TPGS2: variants seen among roughly 807,000 people sequenced by gnomAD.
TPGS2 encodes polyglutamylase subunit 2.
Under a neutral mutation model 31.1 loss-of-function variants are expected in TPGS2, and 26 were observed. The observed-to-expected ratio is 0.84, with a 90% CI of 0.61 to 1.16. TPGS2 has a LOEUF of 1.16. TPGS2 is among the 50% of genes most tolerant of loss of function. TPGS2 has a pLI of 0.00. For synonymous variants in TPGS2, 130 were observed against 136.6 expected, an observed-to-expected ratio of 0.95 and a Z score of 0.34; for missense variants, 351 against 363.8, an observed-to-expected ratio of 0.96 and a Z score of 0.29.
intron 1 of TPGS2, among the ~76,000 whole-genome samples, chr18:36,820,353 GT>G (rs2045842356): frequency 1.3e-5 from 2 of 152,190 alleles, no homozygotes; most frequent in African/African-American, 4.8e-5. Context: ...TGCAGATGTG[GT>G]CATGTCATAC....
rs1295785986 is a variant in TPGS2, at chr18:36,795,441, AC to A, written c.*1363del. 1 of 985,426 alleles carries A rather than the reference AC, an allele frequency of 1.0e-6. No individual in the cohort carries two copies. The highest frequency in any genetic ancestry group is 1.2e-6 in the Non-Finnish European group (1 of 829,942). 61.0% of individuals were successfully genotyped at this position (985,426 alleles called of 1,614,324 possible). A position where few individuals can be genotyped will look rare whatever the true frequency, so the allele number is the denominator to read the frequency against. On this transcript the variant is annotated 3_prime_UTR_variant, in exon 7 of 7. Coordinates refer to ENST00000334295, the MANE Select transcript of TPGS2 (RefSeq NM_015476.4). ...AACTCCTAATTCTCTAACCTCTGGG[AC>A]TTCAGTACAAAAACTGCAGCCACCC...
Position 36,828,699 on chromosome 18 carries a change from G to A in TPGS2, c.69C>T (p.Gly23=), listed in dbSNP as rs940417876. ...SKPHLEKLTL[G]ITRILESSPG... The stretch of plus-strand genomic sequence containing the variant: ...TTTCCTCACCTAGGATGCGCGTGAT[G>A]CCCAGGGTCAGCTTCTCCAGGTGCG... Residue 23 remains glycine, a synonymous_variant, in exon 1 of 7, where the codon GGC becomes GGT. Coordinates refer to ENST00000334295, the MANE Select transcript of TPGS2 (RefSeq NM_015476.4). The A allele has an allele frequency of 6.2e-7, 1 of 1,614,120 alleles. No individual in the cohort carries two copies. Among genetic ancestry groups the A allele is most frequent in the Non-Finnish European group, 8.5e-7 (1 of 1,179,994 alleles).
At position 36,804,788 on chromosome 18, in the gene TPGS2, T is replaced by C. The variant is rs568650831; in HGVS notation, c.382+586A>G. ...GCCATTTGACTCTTCTAATAGCTAT[T>C]AGGAGGTGCTGCTGAGAAAACCATT... On this transcript the variant is annotated intron_variant, in intron 4 of 6. Coordinates refer to ENST00000334295, the MANE Select transcript of TPGS2 (RefSeq NM_015476.4). Among the ~76,000 whole-genome samples the C allele has an allele frequency of 1.6e-4, 24 of 152,280 alleles. No individual in the cohort carries two copies. The South Asian group carries it at 3.1e-3, about 20-fold the overall frequency.
downstream of TPGS2, among the ~76,000 whole-genome samples, chr18:36,790,551 T>C (rs1323913783): frequency 6.6e-6 from 1 of 152,216 alleles, no homozygotes; most frequent in Non-Finnish European, 1.5e-5. Flanking sequence ...GATAAGAGTT[T>C]TGAGCCACAG....
At chr18:36,791,390 C>A (rs898144118), downstream of TPGS2, among the ~76,000 whole-genome samples, 1 of 152,186 alleles carries the variant, frequency 6.6e-6, no homozygotes, top group Non-Finnish European at 1.5e-5. Context: ...GCATGAAGCA[C>A]TTCACCTCAA....
chr18:36,791,720 C>G (rs1339893055), downstream of TPGS2, among the ~76,000 whole-genome samples: 1 of 152,032 alleles, frequency 6.6e-6, no homozygotes, highest in Non-Finnish European at 1.5e-5. Context: ...AGAATCCAGT[C>G]TGGGTTGCTT....
At chr18:36,827,348 G>A (rs993297893) in intron 1 of TPGS2, among the ~76,000 whole-genome samples, 3 of 152,196 alleles carry the variant, frequency 2.0e-5, no homozygotes, top group Non-Finnish European at 2.9e-5. Context: ...GAAAGACGGC[G>A]GTTATTCGAA....
intron 1 of TPGS2, among the ~76,000 whole-genome samples, chr18:36,826,197 T>C (rs924559936): frequency 6.6e-6 from 1 of 152,000 alleles, no homozygotes; most frequent in Non-Finnish European, 1.5e-5. Context: ...CCACCACACA[T>C]GGCTAATTTT....
intron 6 of TPGS2, among the ~76,000 whole-genome samples, chr18:36,783,552 A>C (rs2044064562): frequency 6.6e-6 from 1 of 152,220 alleles, no homozygotes; most frequent in Non-Finnish European, 1.5e-5. Context: ...GGGAGGGTGC[A>C]CAGGGCCTTG....
chr18:36,796,609 A>C lies in TPGS2; in HGVS notation c.*196T>G, dbSNP rs1600743021. On this transcript the variant is annotated 3_prime_UTR_variant, in exon 7 of 7. Transcript: ENST00000334295. Reference sequence around the variant, plus strand: ...CAAATTCCCCATTGCTTCCAGAGGCAGGGGACAGCACAACCTGCTCTGGAG... The same window carrying C: ...CAAATTCCCCATTGCTTCCAGAGGCCGGGGACAGCACAACCTGCTCTGGAG... The C allele has an allele frequency of 2.2e-6, 3 of 1,344,848 alleles. No homozygotes were observed. The South Asian group carries it at 6.6e-5, about 30-fold the overall frequency. The allele number at this position is 1,344,848 out of a possible 1,614,324, so 83.3% of individuals were successfully genotyped here. A position where few individuals can be genotyped will look rare whatever the true frequency, so the allele number is the denominator to read the frequency against.
intron 2 of TPGS2, among the ~76,000 whole-genome samples, chr18:36,813,622 G>A (rs780602962): frequency 8.5e-5 from 13 of 152,198 alleles, no homozygotes; most frequent in African/African-American, 2.4e-4. Flanking sequence ...AGACTGTAAC[G>A]CCAGAGCATA....
At chr18:36,818,711 G>C (rs974168302) in intron 2 of TPGS2, 183 bp downstream of exon 2, 9 of 529,454 alleles carry the variant, frequency 1.7e-5, no homozygotes, top group Non-Finnish European at 2.7e-5. Context: ...TCCATGCTGG[G>C]TAAGTGGCAT....
At chr18:36,783,300 A>G (rs1330376657) in intron 6 of TPGS2, among the ~76,000 whole-genome samples, 1 of 152,172 alleles carries the variant, frequency 6.6e-6, no homozygotes, top group Non-Finnish European at 1.5e-5. Context: ...AAGACCTTCA[A>G]GAAGCATGAA....
downstream of TPGS2, chr18:36,789,757 C>T (rs1157565927): frequency 6.6e-6 from 1 of 152,124 alleles, no homozygotes; most frequent in East Asian, 1.9e-4. Context: ...ATGGTTTCCA[C>T]CCTACTGTTC....
intron 6 of TPGS2, among the ~76,000 whole-genome samples, chr18:36,784,557 T>C (rs1038585088): frequency 1.3e-5 from 2 of 152,224 alleles, no homozygotes; most frequent in Non-Finnish European, 2.9e-5. Flanking sequence ...GGTGGTCTAT[T>C]TGGTAGAAAA....
chr18:36,798,019 G>T, intron 6 of TPGS2: 1 of 302,482 alleles, frequency 3.3e-6, no homozygotes, highest in Non-Finnish European at 5.1e-6. Flanking sequence ...CACCAAAAGT[G>T]TGCATGCATG....
At chr18:36,791,440 G>C (rs116148811), downstream of TPGS2, among the ~76,000 whole-genome samples, 3 of 152,148 alleles carry the variant, frequency 2.0e-5, no homozygotes, top group African/African-American at 4.8e-5. Flanking sequence ...CCAGAACCCT[G>C]AGGTGGAGGT....
In TPGS2 at chr18:36,796,928, G is replaced by C. The variant is rs369471165; in HGVS notation, c.780C>G (p.Ile260Met). 6 of 1,609,172 alleles carry C rather than the reference G, an allele frequency of 3.7e-6. No homozygotes were observed. Among genetic ancestry groups the C allele is most frequent in the Middle Eastern group, 1.6e-4 (1 of 6,070 alleles). The part of the protein sequence containing the change: ...KVFKSKNKIV[I>M]PKKKGPVQPA... ...GCTGCACAGGCCCTTTCTTTTTTGG[G>C]ATTACGATCTTGTTCTTGCTCTTAA... The change falls in exon 7 of 7, where the codon ATC (isoleucine) becomes ATG (methionine). Residue 260 changes from isoleucine to methionine, a missense_variant. Coordinates refer to ENST00000334295, the MANE Select transcript of TPGS2 (RefSeq NM_015476.4).
intron 2 of TPGS2, among the ~76,000 whole-genome samples, chr18:36,815,626 T>G (rs1256384613): frequency 6.6e-6 from 1 of 152,044 alleles, no homozygotes; most frequent in Non-Finnish European, 1.5e-5. Flanking sequence ...TTTTTTTGTA[T>G]TTTCAATACA....
Sources: gnomAD v4.1 joint callset for allele counts (sites outside exome capture counted in the v4.1 genomes callset) on GRCh38, gnomAD v4.1.1 for gene constraint, MANE v1.5 for transcripts, NCBI Gene and HGNC (gene_info 2026-07-23, HGNC 2026-07-21) for gene names.